Variants in TOGARAM2 observed in about 807,000 individuals in gnomAD.
TOGARAM2 encodes TOG array regulator of axonemal microtubules protein 2.
A neutral mutation model predicts 93.3 loss-of-function variants in TOGARAM2; 85 were observed. That is an observed-to-expected ratio of 0.91 (90% CI 0.76 to 1.09). The LOEUF (loss-of-function observed/expected upper bound fraction) is 1.09. TOGARAM2 is among the 50% of genes least tolerant of loss of function. The pLI is 0.00. For missense variants in TOGARAM2, 1,277 were observed against 1,334.5 expected (o/e 0.96, Z 0.67); for synonymous variants, 593 against 552.8 (o/e 1.07, Z -1.02).
At chr2:28,957,320 A>C (rs1369155241) in intron 1 of TOGARAM2, among the ~76,000 whole-genome samples, 1 of 151,894 alleles carries the variant, frequency 6.6e-6, no homozygotes, top group Non-Finnish European at 1.5e-5. Context: ...AGCCGGGATT[A>C]CAGGCGCCCG....
At chr2:29,009,261 G>A (rs958506990) in intron 6 of TOGARAM2, among the ~76,000 whole-genome samples, 1 of 152,220 alleles carries the variant, frequency 6.6e-6, no homozygotes, top group Non-Finnish European at 1.5e-5. Context: ...GTGAGCCCCT[G>A]CATCCTTGCG....
Position 29,051,314 on chromosome 2 carries a change from T to C in TOGARAM2, c.2723-442T>C, listed in dbSNP as rs550188488. The C allele has an allele frequency of 6.7e-4, 104 of 154,172 alleles. 1 individual carries two copies. Among genetic ancestry groups the C allele is most frequent in the Non-Finnish European group, 1.2e-3 (85 of 69,486 alleles). The allele number at this position is 154,172 out of a possible 1,614,324, so 9.6% of individuals were successfully genotyped here. A position where few individuals can be genotyped will look rare whatever the true frequency, so the allele number is the denominator to read the frequency against. Reference sequence around the variant, plus strand: ...TGGAGAGGTTGGTTCAGCATTTTTATCCTTACTTTATGGGTTTGGAAAAGG... The same window carrying C: ...TGGAGAGGTTGGTTCAGCATTTTTACCCTTACTTTATGGGTTTGGAAAAGG... On this transcript the variant is annotated intron_variant, in intron 19 of 19. Coordinates refer to ENST00000379558, the MANE Select transcript of TOGARAM2 (RefSeq NM_199280.4).
chr2:29,003,983 A>G (rs1180955250), intron 6 of TOGARAM2, among the ~76,000 whole-genome samples: 1 of 152,186 alleles, frequency 6.6e-6, no homozygotes, highest in Non-Finnish European at 1.5e-5. Flanking sequence ...TGAATAAAAC[A>G]CTAATTATTT....
chr2:29,003,404 G>A (rs931245807), intron 5 of TOGARAM2, 88 bp from the exon 6 acceptor site: 39 of 1,139,826 alleles, frequency 3.4e-5, no homozygotes, highest in Non-Finnish European at 4.5e-5. Flanking sequence ...AGAGACAGCA[G>A]GTCCCACACT....
chr2:28,998,502 G>T (rs1328166755), intron 3 of TOGARAM2, among the ~76,000 whole-genome samples: 1 of 152,218 alleles, frequency 6.6e-6, no homozygotes, highest in Non-Finnish European at 1.5e-5. Context: ...CTGGACCTGG[G>T]AGTGCACTCA....
chr2:28,969,112 T>C (rs142417598), intron 1 of TOGARAM2, among the ~76,000 whole-genome samples: 127 of 152,236 alleles, frequency 8.3e-4, no homozygotes, highest in African/African-American at 3.0e-3. Context: ...AGGACAAAGG[T>C]CCACATGTAT....
intron 6 of TOGARAM2, among the ~76,000 whole-genome samples, chr2:29,005,133 G>C (rs1673616662): frequency 1.0e-5 from 1 of 96,824 alleles, no homozygotes; most frequent in African/African-American, 3.9e-5. Flanking sequence ...GTGTGCATGT[G>C]TATGTGTGTG....
intron 18 of TOGARAM2, among the ~76,000 whole-genome samples, chr2:29,037,403 C>T (rs375769263): frequency 2.0e-5 from 3 of 152,288 alleles, no homozygotes; most frequent in Admixed American, 2.0e-4. Flanking sequence ...AGTACAAGGA[C>T]GAGCTTTCCC....
intron 4 of TOGARAM2, 52 bp downstream of exon 4, chr2:28,999,520 C>T (rs966037041): frequency 5.3e-6 from 8 of 1,518,444 alleles, no homozygotes; most frequent in Non-Finnish European, 7.1e-6. Context: ...AGGTCAAGGG[C>T]CGCAGGCCTC....
chr2:28,978,799 G>C (rs569650512), upstream of TOGARAM2, among the ~76,000 whole-genome samples: 2 of 152,202 alleles, frequency 1.3e-5, no homozygotes, highest in African/African-American at 4.8e-5. Context: ...ACCCAGGAGA[G>C]TCGGGGCAAT....
At chr2:29,037,834 A>G (rs4666162) in intron 18 of TOGARAM2, among the ~76,000 whole-genome samples, 151,313 of 152,340 alleles carry the variant, frequency 0.99, 75,158 homozygotes, top group Middle Eastern at 1. Flanking sequence ...TGTTCTCAGC[A>G]TTGCTCTGGG....
intron 12 of TOGARAM2, 73 bp from the exon 13 acceptor site, chr2:29,024,066 G>A: frequency 2.3e-6 from 3 of 1,292,076 alleles, no homozygotes; most frequent in Non-Finnish European, 3.3e-6. Context: ...GGTGGTGCAG[G>A]GCCCATTTTC....
At chr2:29,010,856 TA>T (rs1354849565) in intron 6 of TOGARAM2, among the ~76,000 whole-genome samples, 2 of 152,124 alleles carry the variant, frequency 1.3e-5, no homozygotes, top group African/African-American at 2.4e-5. Flanking sequence ...AAATTACAAT[TA>T]AAACCAGTGC....
chr2:29,052,122 T>G lies in TOGARAM2; in HGVS notation c.*29T>G, dbSNP rs1172389113. The G allele has an allele frequency of 2.0e-6, 3 of 1,491,294 alleles. No homozygotes were observed. The highest frequency in any genetic ancestry group is 1.4e-5 in the South Asian group (1 of 69,708). 92.4% of individuals were successfully genotyped at this position (1,491,294 alleles called of 1,614,324 possible). On this transcript the variant is annotated 3_prime_UTR_variant, in exon 20 of 20. Transcript: ENST00000379558. ...TGGATCTGAAATGGGCAATTATTAT[T>G]TATCTTATTTTTTTGATGGACTATT...
In TOGARAM2 at chr2:29,014,452, C is replaced by T; in HGVS notation, c.935C>T (p.Ala312Val). The T allele has an allele frequency of 1.9e-6, 3 of 1,607,536 alleles. No homozygotes were observed. The highest frequency in any genetic ancestry group is 2.5e-6 in the Non-Finnish European group (3 of 1,177,258). The stretch of plus-strand genomic sequence containing the variant: ...AGGCCTGCCGCTGCCAAGAAGCCTG[C>T]CCTGCCTTTTTCTCAGTCTGCTCCC... ...RDRPAAAKKPALPFSQSAPTL... is the reference protein window; with the variant it reads ...RDRPAAAKKPVLPFSQSAPTL... Residue 312 changes from alanine (A) to valine (V), a missense_variant, in exon 8 of 20, where the codon GCC (alanine) becomes GTC (valine). Ala to Val is a moderately conservative substitution (Grantham distance 64, BLOSUM62 0). Transcript: ENST00000379558.
chr2:29,010,853 A>G (rs577985432), intron 6 of TOGARAM2, among the ~76,000 whole-genome samples: 1 of 152,284 alleles, frequency 6.6e-6, no homozygotes, highest in South Asian at 2.1e-4. Context: ...AAGAAATTAC[A>G]ATTAAAACCA....
upstream of TOGARAM2, among the ~76,000 whole-genome samples, chr2:28,976,765 C>A (rs977548978): frequency 1.3e-5 from 2 of 152,230 alleles, no homozygotes; most frequent in Non-Finnish European, 2.9e-5. Context: ...ATACATTATT[C>A]TAGAGTTTCC....
intron 2 of TOGARAM2, among the ~76,000 whole-genome samples, chr2:28,995,882 T>C (rs1228249256): frequency 6.6e-6 from 1 of 152,192 alleles, no homozygotes; most frequent in Non-Finnish European, 1.5e-5. Context: ...TCCCCATGGA[T>C]GGTCCTGAGG....
intron 1 of TOGARAM2, among the ~76,000 whole-genome samples, chr2:28,962,328 A>G (rs956814885): frequency 6.6e-6 from 1 of 151,980 alleles, no homozygotes; most frequent in South Asian, 2.1e-4. Flanking sequence ...GGCATGTGCC[A>G]CCATGCCCAG....
Sources: allele counts gnomAD v4.1 joint callset (sites outside exome capture counted in the v4.1 genomes callset), GRCh38; gene constraint gnomAD v4.1.1; transcripts MANE v1.5; gene names NCBI Gene and HGNC (gene_info 2026-07-23, HGNC 2026-07-21).